ARHGEF10: variants seen among roughly 807,000 people sequenced by gnomAD.
ARHGEF10 encodes Rho guanine nucleotide exchange factor (GEF) 10.
ARHGEF10 carries 140 observed loss-of-function variants against 147.4 expected under a neutral mutation model. The ratio of observed to expected loss-of-function variants is 0.95; its 90% CI spans 0.83 to 1.09. The LOEUF (loss-of-function observed/expected upper bound fraction) is 1.09, where lower values mean the gene tolerates loss of function less well. Ranked by LOEUF, ARHGEF10 falls within the 50% of genes least tolerant of loss-of-function variation. The probability of loss-of-function intolerance (pLI) is 0.00; values close to 1 mark genes in which losing one functional copy is unlikely to be tolerated. For synonymous variants in ARHGEF10, 902 were observed against 695.8 expected (o/e 1.30, Z -4.67); for missense variants, 2,222 against 1,752.7 (o/e 1.27, Z -4.78).
chr8:1,904,702 C>A (rs1222533337), intron 16 of ARHGEF10, among the ~76,000 whole-genome samples: 1 of 152,156 alleles, frequency 6.6e-6, no homozygotes, highest in Non-Finnish European at 1.5e-5. Flanking sequence ...GTGCACTTGG[C>A]AGGGACATTC....
intron 18 of ARHGEF10, among the ~76,000 whole-genome samples, chr8:1,912,627 G>A (rs1811455207): frequency 1.3e-5 from 2 of 152,200 alleles, no homozygotes; most frequent in Admixed American, 6.5e-5. Flanking sequence ...TTCGACATCC[G>A]GAGTTATGAT....
At chr8:1,830,768 G>C (rs527739555) in intron 1 of ARHGEF10, among the ~76,000 whole-genome samples, 1 of 152,300 alleles carries the variant, frequency 6.6e-6, no homozygotes, top group South Asian at 2.1e-4. Context: ...GGGCTACAAG[G>C]TGGAGAAATA....
At chr8:1,846,584 CTT>C (rs1170030962) in intron 2 of ARHGEF10, among the ~76,000 whole-genome samples, 1 of 148,572 alleles carries the variant, frequency 6.7e-6, no homozygotes, top group Admixed American at 6.7e-5. Flanking sequence ...AAATTTTTAA[CTT>C]TTTTTTTTTG....
chr8:1,912,305 G>A (rs1164221972), intron 18 of ARHGEF10, among the ~76,000 whole-genome samples: 1 of 152,100 alleles, frequency 6.6e-6, no homozygotes, highest in Admixed American at 6.5e-5. Context: ...CTGCAAAGGC[G>A]CTGTGTGGAT....
At chr8:1,848,083 C>T (rs1804693588) in intron 2 of ARHGEF10, among the ~76,000 whole-genome samples, 1 of 152,226 alleles carries the variant, frequency 6.6e-6, no homozygotes, top group Non-Finnish European at 1.5e-5. Context: ...GGACCAGAGC[C>T]ACCAGGTCTT....
At chr8:1,872,457 T>G (rs1410634663) in intron 7 of ARHGEF10, among the ~76,000 whole-genome samples, 1 of 152,196 alleles carries the variant, frequency 6.6e-6, no homozygotes, top group African/African-American at 2.4e-5. Context: ...CTGCGAAGGT[T>G]GATGCTACAT....
At chr8:1,931,406 ACTT>A in intron 25 of ARHGEF10, among the ~76,000 whole-genome samples, 1 of 152,148 alleles carries the variant, frequency 6.6e-6, no homozygotes, top group African/African-American at 2.4e-5. Context: ...CCAGCCTCTT[ACTT>A]GGCTGCATTG....
chr8:1,826,561 C>G (rs1222889525), intron 1 of ARHGEF10, among the ~76,000 whole-genome samples: 1 of 152,120 alleles, frequency 6.6e-6, no homozygotes, highest in African/African-American at 2.4e-5. Flanking sequence ...TCTCACGGGA[C>G]TTGAGGGTGC....
chr8:1,903,563 G>A (rs879215107), intron 16 of ARHGEF10, 112 bp downstream of exon 16: 22 of 1,409,910 alleles, frequency 1.6e-5, no homozygotes, highest in Admixed American at 7.6e-5. Context: ...AATTCCCTTC[G>A]CCCAGAGTTC....
At position 1,905,602 on chromosome 8, in the gene ARHGEF10, G is replaced by A. The variant is rs1349820120; in HGVS notation, c.1853G>A (p.Arg618Gln). Residue 618 changes from arginine (R) to glutamine (Q), a missense_variant, in exon 17 of 29, where the codon CGA (arginine) becomes CAA (glutamine). By Grantham distance (43) the Arg-to-Gln change is conservative (BLOSUM62 1). Transcript: ENST00000349830. The part of the protein sequence containing the change: ...LLSSGSRYLI[R>Q]SDDMIETVYN... Reference sequence around the variant, plus strand: ...AGCAGTGGAAGCCGATACCTCATTCGATCAGATGATATGATAGAAACAGTT... The same window carrying A: ...AGCAGTGGAAGCCGATACCTCATTCAATCAGATGATATGATAGAAACAGTT... 11 of 1,614,054 alleles carry A rather than the reference G, an allele frequency of 6.8e-6. No individual in the cohort carries two copies. Among genetic ancestry groups the A allele is most frequent in the African/African-American group, 2.7e-5 (2 of 74,914 alleles).
intron 28 of ARHGEF10, among the ~76,000 whole-genome samples, chr8:1,956,362 G>A (rs1815565490): frequency 6.6e-6 from 1 of 152,138 alleles, no homozygotes; most frequent in Non-Finnish European, 1.5e-5. Flanking sequence ...CACATTTCAG[G>A]CGTTAATATT....
chr8:1,865,972 C>G (rs184405374), intron 5 of ARHGEF10, among the ~76,000 whole-genome samples: 3 of 152,182 alleles, frequency 2.0e-5, no homozygotes, highest in Non-Finnish European at 4.4e-5. Context: ...ATCATCCTTC[C>G]GAGTGGAGCA....
rs201003521 is a variant in ARHGEF10 at position 1,889,877 on chromosome 8, GT to G, written c.1183-3689del. Among the ~76,000 whole-genome samples the G allele has an allele frequency of 4.4e-5, 6 of 137,072 alleles. 1 individual carries two copies. The highest frequency in any genetic ancestry group is 1.9e-4 in the African/African-American group (6 of 32,174). The allele number at this position is 137,072 out of a possible 152,430, so 89.9% of individuals were successfully genotyped here. ...TGAGGAGACACTGAGTGTGGTGAGGGTTTGTGAGGAGACACTGCATGGGGTG... is the reference window on the plus strand; with the variant it reads ...TGAGGAGACACTGAGTGTGGTGAGGGTTGTGAGGAGACACTGCATGGGGTG... On this transcript the variant is annotated intron_variant, in intron 11 of 28. Coordinates refer to ENST00000349830, the MANE Select transcript of ARHGEF10 (RefSeq NM_014629.4).
At chr8:1,851,751 A>G (rs1455680537) in intron 2 of ARHGEF10, among the ~76,000 whole-genome samples, 1 of 152,014 alleles carries the variant, frequency 6.6e-6, no homozygotes, top group Admixed American at 6.6e-5. Flanking sequence ...CGTCTCTATT[A>G]AAAATAATAA....
intron 1 of ARHGEF10, among the ~76,000 whole-genome samples, chr8:1,835,438 CCCGGCACAGGCTT>C (rs1417330064): frequency 2.0e-5 from 3 of 152,040 alleles, no homozygotes; most frequent in Admixed American, 2.0e-4. Context: ...CAGACAGGCT[CCCGGCACAGGCTT>C]CAGCCCTGCC....
chr8:1,874,338 C>T (rs1369674395), intron 7 of ARHGEF10, among the ~76,000 whole-genome samples: 2 of 152,164 alleles, frequency 1.3e-5, no homozygotes, highest in South Asian at 4.1e-4. Context: ...GGCTGGGTCC[C>T]AGGAGCCTTA....
chr8:1,833,394 G>A (rs1165234849), intron 1 of ARHGEF10, among the ~76,000 whole-genome samples: 1 of 134,200 alleles, frequency 7.5e-6, no homozygotes, highest in Non-Finnish European at 1.6e-5. Context: ...GCAGCGACAG[G>A]GGCAGAGACA....
chr8:1,842,608 T>A (rs1804181252), intron 1 of ARHGEF10, among the ~76,000 whole-genome samples: 1 of 152,228 alleles, frequency 6.6e-6, no homozygotes. Flanking sequence ...TGCTAGAGCC[T>A]GGTCCCTGGC....
At chr8:1,846,843 A>C (rs1804601649) in intron 2 of ARHGEF10, among the ~76,000 whole-genome samples, 1 of 152,180 alleles carries the variant, frequency 6.6e-6, no homozygotes, top group African/African-American at 2.4e-5. Flanking sequence ...TCCGAAAGTG[A>C]TGGGATGACA....
Sources: gnomAD v4.1 joint callset for allele counts (sites outside exome capture counted in the v4.1 genomes callset) on GRCh38, gnomAD v4.1.1 for gene constraint, MANE v1.5 for transcripts, NCBI Gene and HGNC (gene_info 2026-07-23, HGNC 2026-07-21) for gene names.